The following SLC44A5 variants were observed in gnomAD, a reference collection of about 807,000 sequenced individuals.
SLC44A5 encodes choline transporter-like protein 5.
SLC44A5 carries 57 observed loss-of-function variants against 101.8 expected under a neutral mutation model. The observed-to-expected ratio is 0.56, with a 90% CI of 0.45 to 0.70. The LOEUF is 0.70. Ranked by LOEUF, SLC44A5 falls within the 30% of genes least tolerant of loss-of-function variation. SLC44A5 has a pLI of 0.00. For synonymous variants in SLC44A5, 281 were observed against 290.9 expected (o/e 0.97, Z 0.35); for missense variants, 737 against 853.1 (o/e 0.86, Z 1.70).
At chr1:75,341,065 C>T (rs1263164743) in intron 3 of SLC44A5, among the ~76,000 whole-genome samples, 1 of 152,166 alleles carries the variant, frequency 6.6e-6, no homozygotes, top group Non-Finnish European at 1.5e-5. Flanking sequence ...ATTAATAATT[C>T]GTTCTCTCTT....
chr1:75,386,605 A>T (rs1209485069), intron 3 of SLC44A5, among the ~76,000 whole-genome samples: 1 of 152,248 alleles, frequency 6.6e-6, no homozygotes. Flanking sequence ...GGGTAGGAAA[A>T]GTCAATATCG....
At chr1:75,645,915 C>A in the SLC44A5 span, among the ~76,000 whole-genome samples, 1 of 135,246 alleles carries the variant, frequency 7.4e-6, no homozygotes, top group African/African-American at 2.5e-5. Context: ...TTGTTTTGGT[C>A]AGGTTTCTCA....
At chr1:75,431,779 CGAG>C (rs1434410647) in intron 2 of SLC44A5, among the ~76,000 whole-genome samples, 2 of 152,004 alleles carry the variant, frequency 1.3e-5, no homozygotes, top group African/African-American at 4.8e-5. Context: ...AACAATCATC[CGAG>C]GAGAAGGGGA....
intron 2 of SLC44A5, among the ~76,000 whole-genome samples, chr1:75,419,261 A>C (rs906243595): frequency 6.6e-6 from 1 of 152,184 alleles, no homozygotes; most frequent in African/African-American, 2.4e-5. Context: ...CAAGAATTTC[A>C]TCAAACCCCA....
At chr1:75,569,416 A>G (rs1327550247) in intron 1 of SLC44A5, among the ~76,000 whole-genome samples, 1 of 151,382 alleles carries the variant, frequency 6.6e-6, no homozygotes, top group Non-Finnish European at 1.5e-5. Context: ...TAATTTTTGT[A>G]TTTTTTGTAG....
the SLC44A5 span, among the ~76,000 whole-genome samples, chr1:75,674,700 A>G: frequency 6.6e-6 from 1 of 150,736 alleles, no homozygotes; most frequent in Non-Finnish European, 1.5e-5. Flanking sequence ...TAATTTTAAA[A>G]AATGAAGTGC....
chr1:75,252,441 C>T (rs1027046334), intron 6 of SLC44A5, among the ~76,000 whole-genome samples: 2 of 152,292 alleles, frequency 1.3e-5, no homozygotes, highest in East Asian at 1.9e-4. Context: ...CTTCCTACAC[C>T]TGTCTACATA....
chr1:75,555,995 GTAGAAAACTC>G (rs1422131100), intron 1 of SLC44A5, among the ~76,000 whole-genome samples: 3 of 151,962 alleles, frequency 2.0e-5, no homozygotes, highest in African/African-American at 7.2e-5. Flanking sequence ...ATTTCCATTT[GTAGAAAACTC>G]TAGAAAATAA....
At chr1:75,668,242 G>GT in the SLC44A5 span, among the ~76,000 whole-genome samples, 2 of 148,670 alleles carry the variant, frequency 1.3e-5, no homozygotes, top group Admixed American at 6.7e-5. Context: ...TAAAAAATAG[G>GT]TAACTATCAA....
At chr1:75,265,928 AAAG>A (rs1247476161) in intron 6 of SLC44A5, among the ~76,000 whole-genome samples, 1 of 152,158 alleles carries the variant, frequency 6.6e-6, no homozygotes, top group Non-Finnish European at 1.5e-5. Context: ...TGGAAATCTC[AAAG>A]AAAAGGTCTG....
intron 3 of SLC44A5, among the ~76,000 whole-genome samples, chr1:75,384,059 C>A (rs1237040160): frequency 1.3e-5 from 2 of 151,302 alleles, no homozygotes. Flanking sequence ...GAAGGAAGCA[C>A]TAAACATGGA....
At chr1:75,690,406 A>C in the SLC44A5 span, among the ~76,000 whole-genome samples, 3 of 152,160 alleles carry the variant, frequency 2.0e-5, no homozygotes, top group African/African-American at 2.4e-5. Context: ...CGGGGATTAT[A>C]ATTTGAGATG....
chr1:75,498,089 A>G (rs1668769404), intron 2 of SLC44A5, among the ~76,000 whole-genome samples: 1 of 152,228 alleles, frequency 6.6e-6, no homozygotes, highest in Non-Finnish European at 1.5e-5. Context: ...GAAAAAGATC[A>G]TTATGTATAC....
intron 2 of SLC44A5, among the ~76,000 whole-genome samples, chr1:75,428,962 T>G (rs994360224): frequency 2.6e-5 from 4 of 152,182 alleles, no homozygotes; most frequent in African/African-American, 7.2e-5. Flanking sequence ...ATACACCATA[T>G]AGGTGGTCAC....
the SLC44A5 span, chr1:75,641,405 AC>A: frequency 9.8e-7 from 1 of 1,023,874 alleles, no homozygotes; most frequent in Non-Finnish European, 1.5e-6. Flanking sequence ...TGATTTTTGT[AC>A]ATTGCTTTGT....
chr1:75,590,477 C>T (rs557520572), intron 1 of SLC44A5, among the ~76,000 whole-genome samples: 1 of 152,312 alleles, frequency 6.6e-6, no homozygotes, highest in South Asian at 2.1e-4. Flanking sequence ...GCCACAGAGG[C>T]ATACAGCACC....
chr1:75,363,097 G>C (rs1233556200), intron 3 of SLC44A5, among the ~76,000 whole-genome samples: 1 of 151,680 alleles, frequency 6.6e-6, no homozygotes, highest in Non-Finnish European at 1.5e-5. Flanking sequence ...AGTCTATTTT[G>C]CCTGATATAA....
rs571143714 is a variant in SLC44A5, at chr1:75,524,119, G to C, written c.13+17316C>G. Among the ~76,000 whole-genome samples the C allele has an allele frequency of 2.0e-5, 3 of 152,270 alleles. No homozygotes were observed. The East Asian group carries it at 5.8e-4, about 29-fold the overall frequency. ...CACGTGGGAGGTGATTGGATCCTGG[G>C]AACAGATCTCTTCTTTGCTGTTCTC... On this transcript the variant is annotated intron_variant, in intron 2 of 23. Transcript: ENST00000370859.
the SLC44A5 span, among the ~76,000 whole-genome samples, chr1:75,708,365 G>C: frequency 7.9e-6 from 1 of 126,400 alleles, no homozygotes; most frequent in Non-Finnish European, 1.6e-5. Context: ...AGTGAGCCAA[G>C]ATGGCGCCAC....
Sources: allele counts gnomAD v4.1 joint callset (sites outside exome capture counted in the v4.1 genomes callset), GRCh38; gene constraint gnomAD v4.1.1; transcripts MANE v1.5; gene names NCBI Gene and HGNC (gene_info 2026-07-23, HGNC 2026-07-21).